The following PTPRM variants were observed in gnomAD, a reference collection of about 807,000 sequenced individuals.
The protein encoded by PTPRM is protein tyrosine phosphatase receptor type M, also known as receptor-type tyrosine-protein phosphatase mu.
In PTPRM, 47 loss-of-function variants were observed where a neutral mutation model predicts 186.7. The ratio of observed to expected loss-of-function variants is 0.25; its 90% CI spans 0.20 to 0.32. PTPRM has a LOEUF of 0.32. Ranked by LOEUF, PTPRM falls within the 10% of genes least tolerant of loss-of-function variation. The pLI is 1.00. For synonymous variants in PTPRM, 668 were observed against 674.9 expected, an observed-to-expected ratio of 0.99 and a Z score of 0.16; for missense variants, 1,494 against 1,865.0, an observed-to-expected ratio of 0.80 and a Z score of 3.66.
At chr18:7,660,769 C>T (rs1287209011) in intron 1 of PTPRM, among the ~76,000 whole-genome samples, 3 of 152,042 alleles carry the variant, frequency 2.0e-5, no homozygotes, top group Admixed American at 1.3e-4. Flanking sequence ...TCTGTTTTGC[C>T]TTTTACACAC....
intron 4 of PTPRM, among the ~76,000 whole-genome samples, chr18:7,922,108 A>G (rs117046056): frequency 0.011 from 1,697 of 152,240 alleles, 21 homozygotes; most frequent in Non-Finnish European, 0.016. Flanking sequence ...GCACTAGATG[A>G]CACCTTAAGC....
chr18:7,813,460 T>G (rs1030494226), intron 2 of PTPRM, among the ~76,000 whole-genome samples: 8 of 152,172 alleles, frequency 5.3e-5, no homozygotes, highest in African/African-American at 1.9e-4. Context: ...AATGCAACAT[T>G]CTTGGTAACC....
chr18:8,376,666 G>T (rs1226172457), intron 26 of PTPRM, 69 bp downstream of exon 26: 1 of 1,511,216 alleles, frequency 6.6e-7, no homozygotes, highest in Non-Finnish European at 8.9e-7. Flanking sequence ...CCCATTTCAG[G>T]GCCAAGGGCA....
chr18:8,281,597 C>A (rs4798619), intron 19 of PTPRM, among the ~76,000 whole-genome samples: 100,168 of 151,900 alleles, frequency 0.66, 33,996 homozygotes, highest in African/African-American at 0.81. Flanking sequence ...CAACTCTTTC[C>A]GCAACCCTGA....
chr18:8,217,658 C>T (rs1643242158), intron 14 of PTPRM, among the ~76,000 whole-genome samples: 1 of 152,118 alleles, frequency 6.6e-6, no homozygotes, highest in African/African-American at 2.4e-5. Flanking sequence ...ACCTTTAGTG[C>T]CCTGGAAATG....
At chr18:8,174,553 T>C (rs902683312) in intron 14 of PTPRM, among the ~76,000 whole-genome samples, 3 of 152,202 alleles carry the variant, frequency 2.0e-5, no homozygotes, top group African/African-American at 7.2e-5. Context: ...AGCACAATAC[T>C]GACCAAGTGT....
At chr18:8,363,059 T>C (rs2095606426) in intron 23 of PTPRM, among the ~76,000 whole-genome samples, 1 of 152,234 alleles carries the variant, frequency 6.6e-6, no homozygotes, top group Admixed American at 6.5e-5. Context: ...CAGTCCGGGC[T>C]CTGCTTGTCA....
intron 5 of PTPRM, among the ~76,000 whole-genome samples, chr18:7,926,899 T>C (rs1343301563): frequency 6.6e-6 from 1 of 152,174 alleles, no homozygotes; most frequent in Non-Finnish European, 1.5e-5. Flanking sequence ...TTATGCTTAG[T>C]CATCTTGCTT....
chr18:8,050,138 T>G (rs115862461), intron 7 of PTPRM, among the ~76,000 whole-genome samples: 1 of 152,340 alleles, frequency 6.6e-6, no homozygotes, highest in Non-Finnish European at 1.5e-5. Flanking sequence ...GTATGCATAT[T>G]GGATCAGTCT....
intron 2 of PTPRM, among the ~76,000 whole-genome samples, chr18:7,778,437 G>A (rs2042694251): frequency 1.3e-5 from 2 of 152,016 alleles, no homozygotes; most frequent in South Asian, 4.2e-4. Flanking sequence ...ATCTTCTCTA[G>A]TAGCAATGGG....
At chr18:7,907,402 G>T (rs1018480033) in intron 4 of PTPRM, among the ~76,000 whole-genome samples, 1 of 152,202 alleles carries the variant, frequency 6.6e-6, no homozygotes, top group African/African-American at 2.4e-5. Flanking sequence ...AGACTCAGAT[G>T]ATGAGCAGGC....
intron 2 of PTPRM, among the ~76,000 whole-genome samples, chr18:7,803,159 G>A (rs1414991903): frequency 6.6e-6 from 1 of 152,170 alleles, no homozygotes; most frequent in Non-Finnish European, 1.5e-5. Flanking sequence ...CACACACTTT[G>A]TAGCTTATAT....
At position 8,377,707 on chromosome 18, in the gene PTPRM, A is replaced by C. The variant is rs1470605433; in HGVS notation, c.3463-558A>C. 2.0e-5 allele frequency: 3 copies of C among 152,268 alleles called. No homozygotes were observed. In the East Asian group the frequency reaches 5.8e-4, roughly 29 times the overall value. The allele number at this position is 152,268 out of a possible 1,614,324, so 9.4% of individuals were successfully genotyped here. On this transcript the variant is annotated intron_variant, in intron 26 of 32. Transcript: ENST00000580170. ...CTACCAATGAATTTTAAGAAAAGTCAGTGCCAAATCAGAATTAGAGGCCCC... is the reference window on the plus strand; with the variant it reads ...CTACCAATGAATTTTAAGAAAAGTCCGTGCCAAATCAGAATTAGAGGCCCC...
chr18:8,181,229 GA>G (rs111657265), intron 14 of PTPRM, among the ~76,000 whole-genome samples: 6,248 of 152,284 alleles, frequency 0.041, 188 homozygotes, highest in Middle Eastern at 0.071. Flanking sequence ...CATCAAGGAG[GA>G]AAAAGTGAGA....
At chr18:7,681,585 TAA>T (rs546037419) in intron 1 of PTPRM, among the ~76,000 whole-genome samples, 1 of 143,364 alleles carries the variant, frequency 7.0e-6, no homozygotes. Context: ...TTAGATTCCT[TAA>T]AAAAAAAAAC....
intron 14 of PTPRM, among the ~76,000 whole-genome samples, chr18:8,226,927 A>G (rs1386603756): frequency 6.6e-6 from 1 of 152,146 alleles, no homozygotes; most frequent in Non-Finnish European, 1.5e-5. Flanking sequence ...AAAGGCAGGA[A>G]GGGTGGGTTG....
chr18:7,732,442 A>T (rs965964939), intron 1 of PTPRM, among the ~76,000 whole-genome samples: 1 of 152,236 alleles, frequency 6.6e-6, no homozygotes, highest in Non-Finnish European at 1.5e-5. Context: ...GTCCAGCTAA[A>T]ATCAGGATTG....
At chr18:8,336,835 G>T (rs1392551674) in intron 22 of PTPRM, among the ~76,000 whole-genome samples, 1 of 151,752 alleles carries the variant, frequency 6.6e-6, no homozygotes, top group Non-Finnish European at 1.5e-5. Context: ...AAATTAGCTG[G>T]GTGTGGTGGT....
intron 19 of PTPRM, among the ~76,000 whole-genome samples, chr18:8,293,919 G>A (rs1046495172): frequency 1.2e-4 from 18 of 152,132 alleles, no homozygotes; most frequent in Non-Finnish European, 2.6e-4. Flanking sequence ...ATCATACAGG[G>A]TTTTACTTTT....
Sources: gnomAD v4.1 joint callset for allele counts (sites outside exome capture counted in the v4.1 genomes callset) on GRCh38, gnomAD v4.1.1 for gene constraint, MANE v1.5 for transcripts, NCBI Gene and HGNC (gene_info 2026-07-23, HGNC 2026-07-21) for gene names.